Variants in SLC4A11 observed in about 807,000 individuals in gnomAD.
SLC4A11 encodes solute carrier family 4 member 11.
Under a neutral mutation model 95.0 loss-of-function variants are expected in SLC4A11, and 74 were observed. That is an observed-to-expected ratio of 0.78 (90% CI 0.65 to 0.95). The LOEUF is 0.95. Ranked by LOEUF, SLC4A11 falls within the 40% of genes least tolerant of loss-of-function variation. The probability of loss-of-function intolerance (pLI) is 0.00; values close to 1 mark genes in which losing one functional copy is unlikely to be tolerated. For missense variants in SLC4A11, 1,081 were observed against 1,192.4 expected, an observed-to-expected ratio of 0.91 and a Z score of 1.38; for synonymous variants, 548 against 519.0, an observed-to-expected ratio of 1.06 and a Z score of -0.76.
In SLC4A11 at chr20:3,227,753, G is replaced by C; in HGVS notation, c.*34C>G. On this transcript the variant is annotated 3_prime_UTR_variant, in exon 20 of 20. Coordinates refer to ENST00000642402, the MANE Select transcript of SLC4A11 (RefSeq NM_001174089.2). Reference sequence around the variant, plus strand: ...AGAGCCAGCCTGGGAGGACGTGGAGGGCTGGCGAATGGGGCGTGGGCAGGG... The same window carrying C: ...AGAGCCAGCCTGGGAGGACGTGGAGCGCTGGCGAATGGGGCGTGGGCAGGG... The C allele has an allele frequency of 3.7e-6, 6 of 1,608,982 alleles. No individual in the cohort carries two copies. The highest frequency in any genetic ancestry group is 5.1e-6 in the Non-Finnish European group (6 of 1,177,780).
chr20:3,231,514 G>A lies in SLC4A11; in HGVS notation c.764C>T (p.Thr255Met), dbSNP rs1191074716. ...STKTAMEVAR[T>M]FATMFSDIAF... is the part of the protein sequence containing the mutation. The stretch of plus-strand genomic sequence containing the variant: ...GATATCCGAGAACATGGTGGCAAAC[G>A]TGCGCGCCACCTCCATCGCAGTCTT... The change falls in exon 8 of 20, where the codon ACG becomes ATG. Residue 255 changes from threonine to methionine, a missense_variant. Around this residue, in one of 3 missense-constraint regions of SLC4A11, gnomAD observed 767 missense variants for 858.0 expected, o/e 0.89. Transcript: ENST00000642402. The surrounding 1 kb of genome is among the most constrained non-coding windows in gnomAD (Gnocchi z 5.2). 1.9e-6 allele frequency: 3 copies of A among 1,613,872 alleles called. No individual in the cohort carries two copies. Among genetic ancestry groups the A allele is most frequent in the Admixed American group, 1.7e-5 (1 of 60,008 alleles).
chr20:3,238,763 T>G (rs1283292792), intron 1 of SLC4A11: 1 of 1,102,846 alleles, frequency 9.1e-7, no homozygotes, highest in Non-Finnish European at 1.1e-6. Context: ...AGCTCGGCGC[T>G]CGGGGCGCTG....
At position 3,233,463 on chromosome 20, in the gene SLC4A11, G is replaced by A. The variant is rs1404222710; in HGVS notation, c.729+51C>T. The A allele has an allele frequency of 4.3e-5, 69 of 1,609,532 alleles. No homozygotes were observed. In the East Asian group the frequency reaches 9.6e-4, roughly 22 times the overall value. ...TGGGAGGGGACCCCAAGCAGAGGGC[G>A]GGTAACCCGGGGCCCTCCTTCTTCC... On this transcript the variant is annotated intron_variant, in intron 7 of 19. Transcript: ENST00000642402.
At chr20:3,232,258 G>A (rs895103772) in intron 7 of SLC4A11, among the ~76,000 whole-genome samples, 2 of 152,222 alleles carry the variant, frequency 1.3e-5, no homozygotes, top group African/African-American at 2.4e-5. Context: ...TCTCTCGCCC[G>A]GCCAAGGTGA....
chr20:3,239,291 G>A (rs926094050), upstream of SLC4A11: 5 of 1,176,546 alleles, frequency 4.2e-6, no homozygotes, highest in Non-Finnish European at 4.2e-6. Context: ...CCGCGCCCGG[G>A]CGCGGTAGGC....
Position 3,231,986 on chromosome 20 carries a change from T to A in SLC4A11, c.730-438A>T, listed in dbSNP as rs2067796900. On this transcript the variant is annotated intron_variant, in intron 7 of 19. Transcript: ENST00000642402. This position sits in a 1 kb window ranked among gnomAD's most constrained non-coding sequence, Gnocchi z 5.2. ...GGTAGCAGGTTTTATTCCACAAAGT[T>A]CAGGCATTAGTGTACTCTGCCATGA... 6.6e-6 allele frequency among the ~76,000 whole-genome samples: 1 copy of A among 152,160 alleles called. No individual in the cohort carries two copies. The highest frequency in any genetic ancestry group is 2.1e-4 in the South Asian group (1 of 4,830).
At position 3,229,335 on chromosome 20, in the gene SLC4A11, C is replaced by T. The variant is rs1468115152; in HGVS notation, c.1849+11G>A. The T allele has an allele frequency of 1.2e-6, 2 of 1,613,092 alleles. No homozygotes were observed. The highest frequency in any genetic ancestry group is 1.7e-6 in the Non-Finnish European group (2 of 1,180,002). On this transcript the variant is annotated intron_variant, in intron 15 of 19. Coordinates refer to ENST00000642402, the MANE Select transcript of SLC4A11 (RefSeq NM_001174089.2). ...CTACCCCACGTCACCCACCGCCCGG[C>T]CCCAACTCACTCTCGATTTCCCGGA...
At chr20:3,238,383 G>A (rs1466509699) in intron 1 of SLC4A11, 5 of 985,086 alleles carry the variant, frequency 5.1e-6, no homozygotes, top group Non-Finnish European at 6.0e-6. Context: ...GGCGCAGGAT[G>A]TGAATGCAGG....
chr20:3,228,447 G>C lies in SLC4A11; in HGVS notation c.2389-19C>G. On this transcript the variant is annotated intron_variant, in intron 18 of 19. Transcript: ENST00000642402. Reference sequence around the variant, plus strand: ...ACGCAGTCTGTGGGCGGCAGGGACCGGGTGTGGGCAGGCATGGGGCTGTGT... The same window carrying C: ...ACGCAGTCTGTGGGCGGCAGGGACCCGGTGTGGGCAGGCATGGGGCTGTGT... 1.2e-6 allele frequency: 2 copies of C among 1,613,052 alleles called. No homozygotes were observed. Among genetic ancestry groups the C allele is most frequent in the African/African-American group, 1.3e-5 (1 of 75,038 alleles).
In SLC4A11 at chr20:3,230,777, A is replaced by G. The variant is rs2067736304; in HGVS notation, c.1237T>C (p.Leu413=). 1 of 1,613,184 alleles carries G rather than the reference A, an allele frequency of 6.2e-7. No individual in the cohort carries two copies. Among genetic ancestry groups the G allele is most frequent in the African/African-American group, 1.3e-5 (1 of 74,922 alleles). ...GGCGCGGTGGTCAGCAGAATCACCA[A>G]TGGCTGCCCAGAGAAGAGCGCGTAG... is the stretch of plus-strand genomic sequence containing the variant. The part of the protein sequence containing the change: ...LLYALFSGQP[L]VILLTTAPLA... Residue 413 remains leucine, a synonymous_variant, in exon 11 of 20, where the codon TTG becomes CTG. Coordinates refer to ENST00000642402, the MANE Select transcript of SLC4A11 (RefSeq NM_001174089.2).
In SLC4A11 at chr20:3,230,171, C is replaced by T. The variant is rs191802751; in HGVS notation, c.1489+16G>A. 1.0e-4 allele frequency: 166 copies of T among 1,613,364 alleles called. No individual in the cohort carries two copies. Among genetic ancestry groups the T allele is most frequent in the Admixed American group, 4.3e-4 (26 of 60,024 alleles). On this transcript the variant is annotated intron_variant, in intron 13 of 19. Coordinates refer to ENST00000642402, the MANE Select transcript of SLC4A11 (RefSeq NM_001174089.2). ...CTGAGCGCCCTGTTCAGCAGGTGGC[C>T]CCCAGCCGCACTCACTTTTAACCGT...
chr20:3,228,299 T>C lies in SLC4A11; in HGVS notation c.2518A>G (p.Met840Val), dbSNP rs121909396. The change falls in exon 19 of 20, where the codon ATG (methionine) becomes GTG (valine). Residue 840 changes from methionine to valine, a missense_variant. Transcript: ENST00000642402. The stretch of plus-strand genomic sequence containing the variant: ...GCGATCATGATGAGGGGAAAGATCA[T>C]CTTCATGTAGGGCAGGGAGCTCATG... ...FGMSSLPYMK[M>V]IFPLIMIAMI... 3 of 1,612,776 alleles carry C rather than the reference T, an allele frequency of 1.9e-6. No individual in the cohort carries two copies. Among genetic ancestry groups the C allele is most frequent in the Admixed American group, 3.3e-5 (2 of 59,946 alleles).
rs773101778 is a variant in SLC4A11, at chr20:3,234,714, C to A, written c.241+28G>T. 8 of 1,613,902 alleles carry A rather than the reference C, an allele frequency of 5.0e-6. No homozygotes were observed. The South Asian group carries it at 8.8e-5, about 18-fold the overall frequency. On this transcript the variant is annotated intron_variant, in intron 3 of 19. Coordinates refer to ENST00000642402, the MANE Select transcript of SLC4A11 (RefSeq NM_001174089.2). This position sits in a 1 kb window ranked among gnomAD's most constrained non-coding sequence, Gnocchi z 5.8. ...ACCTGCCCAGTCCCGTGCCTTCCCCCAGTCTGCCCCTGCTGCAGCCCCCAT... is the reference window on the plus strand; with the variant it reads ...ACCTGCCCAGTCCCGTGCCTTCCCCAAGTCTGCCCCTGCTGCAGCCCCCAT...
rs78860240 is a variant in SLC4A11 at position 3,231,513 on chromosome 20, C to T, written c.765G>A (p.Thr255=). 627 of 1,613,970 alleles carry T rather than the reference C, an allele frequency of 3.9e-4. 1 individual carries two copies. Among genetic ancestry groups the T allele is most frequent in the Middle Eastern group, 1.3e-3 (8 of 6,060 alleles). ...CGATATCCGAGAACATGGTGGCAAA[C>T]GTGCGCGCCACCTCCATCGCAGTCT... ...STKTAMEVAR[T]FATMFSDIAF... The change falls in exon 8 of 20, where the codon ACG becomes ACA. Residue 255 remains threonine, a synonymous_variant. Transcript: ENST00000642402. The surrounding 1 kb of genome is among the most constrained non-coding windows in gnomAD (Gnocchi z 5.2).
chr20:3,236,385 G>T (rs1337209511), intron 2 of SLC4A11, among the ~76,000 whole-genome samples: 1 of 152,134 alleles, frequency 6.6e-6, no homozygotes, highest in Non-Finnish European at 1.5e-5. Flanking sequence ...GACCATCCTG[G>T]CTAACAATGG....
intron 1 of SLC4A11, chr20:3,238,844 C>T (rs938759993): frequency 1.7e-6 from 2 of 1,212,000 alleles, no homozygotes; most frequent in Non-Finnish European, 2.1e-6. Context: ...GCTGTTCAAA[C>T]CTGGTAAGAA....
At position 3,228,608 on chromosome 20, in the gene SLC4A11, G is replaced by A. The variant is rs139086376; in HGVS notation, c.2292C>T (p.Pro764=). The A allele has an allele frequency of 9.4e-4, 1,516 of 1,613,310 alleles. 7 individuals carry two copies. In the African/African-American group the frequency reaches 0.017, roughly 18 times the overall value. ...LLLPVPLQWI[P]KPVLYGLFLY... ...GGAAGAGGCCATAGAGCACGGGCTT[G>A]GGGATCCACTGAAGCGGGACCGGCA... Residue 764 remains proline (P), a synonymous_variant, in exon 18 of 20, where the codon CCC becomes CCT. Transcript: ENST00000642402.
chr20:3,227,774 C>T lies in SLC4A11; in HGVS notation c.*13G>A. 3 of 1,612,660 alleles carry T rather than the reference C, an allele frequency of 1.9e-6. No homozygotes were observed. The South Asian group carries it at 3.3e-5, about 18-fold the overall frequency. ...GGAGGGCTGGCGAATGGGGCGTGGG[C>T]AGGGTCTGCCAGTCAAGGCCTGTGC... On this transcript the variant is annotated 3_prime_UTR_variant, in exon 20 of 20. Coordinates refer to ENST00000642402, the MANE Select transcript of SLC4A11 (RefSeq NM_001174089.2).
At chr20:3,238,927 C>T in intron 1 of SLC4A11, 168 bp downstream of exon 1, 2 of 1,260,318 alleles carry the variant, frequency 1.6e-6, no homozygotes, top group Non-Finnish European at 1.0e-6. Context: ...CCGGGCCTCC[C>T]GCACCCGCGC....
Sources: allele counts gnomAD v4.1 joint callset (sites outside exome capture counted in the v4.1 genomes callset), GRCh38; gene constraint gnomAD v4.1.1; regional missense constraint gnomAD v4.1.1; non-coding constraint Gnocchi (gnomAD v3.1); transcripts MANE v1.5; gene names NCBI Gene and HGNC (gene_info 2026-07-23, HGNC 2026-07-21).